Variants in MLLT3 observed in about 807,000 individuals in gnomAD.
The protein encoded by MLLT3 is MLLT3 super elongation complex subunit, also known as protein AF-9.
In MLLT3, 4 loss-of-function variants were observed where a neutral mutation model predicts 53.2. The ratio of observed to expected loss-of-function variants is 0.08; its 90% CI spans 0.04 to 0.17. MLLT3 has a LOEUF of 0.17. Among genes scored for constraint, MLLT3 ranks in the 10% least tolerant of loss-of-function variants. The pLI, the probability that MLLT3 is intolerant of heterozygous loss-of-function variation, is 1.00. For missense variants in MLLT3, 569 were observed against 684.0 expected (o/e 0.83, Z 1.87); for synonymous variants, 283 against 230.6 (o/e 1.23, Z -2.06).
chr9:20,544,344 G>A (rs1818727799), intron 2 of MLLT3, among the ~76,000 whole-genome samples: 1 of 151,784 alleles, frequency 6.6e-6, no homozygotes, highest in Admixed American at 6.6e-5. Context: ...CTTCCATGCA[G>A]GAAAAAAAAT....
chr9:20,544,602 T>A (rs1407979543), intron 2 of MLLT3, among the ~76,000 whole-genome samples: 1 of 152,184 alleles, frequency 6.6e-6, no homozygotes, highest in East Asian at 1.9e-4. Context: ...GACAAGGATG[T>A]AAAGAAATTA....
chr9:20,572,330 T>C (rs1819550566), intron 2 of MLLT3, among the ~76,000 whole-genome samples: 2 of 152,142 alleles, frequency 1.3e-5, no homozygotes, highest in South Asian at 2.1e-4. Flanking sequence ...TACGGTATAT[T>C]TCAAAATTGC....
intron 2 of MLLT3, among the ~76,000 whole-genome samples, chr9:20,536,251 G>C (rs910794435): frequency 6.6e-6 from 1 of 152,128 alleles, no homozygotes; most frequent in Non-Finnish European, 1.5e-5. Context: ...ACAGAAAGAA[G>C]AAAATGGCTT....
chr9:20,590,976 C>A (rs1036455577), intron 2 of MLLT3, among the ~76,000 whole-genome samples: 3 of 151,870 alleles, frequency 2.0e-5, no homozygotes. Flanking sequence ...TCTTGAACTA[C>A]TGGCCTCAGG....
chr9:20,532,051 T>G (rs1485192233), intron 2 of MLLT3, among the ~76,000 whole-genome samples: 3 of 152,246 alleles, frequency 2.0e-5, no homozygotes, highest in Admixed American at 1.3e-4. Flanking sequence ...TTAAAACGAT[T>G]GCAAGTTGTT....
At chr9:20,614,259 T>C (rs987459020) in intron 2 of MLLT3, among the ~76,000 whole-genome samples, 2 of 152,148 alleles carry the variant, frequency 1.3e-5, no homozygotes, top group East Asian at 1.9e-4. Flanking sequence ...CCGGGCGTGG[T>C]GGCGCATGCC....
At chr9:20,356,602 T>G (rs892380180) in intron 8 of MLLT3, among the ~76,000 whole-genome samples, 6 of 152,092 alleles carry the variant, frequency 3.9e-5, no homozygotes, top group Non-Finnish European at 8.8e-5. Flanking sequence ...GACTTGTGCA[T>G]TACAGAACTG....
At chr9:20,350,317 C>T (rs1054136868) in intron 10 of MLLT3, among the ~76,000 whole-genome samples, 2 of 152,150 alleles carry the variant, frequency 1.3e-5, no homozygotes, top group Non-Finnish European at 2.9e-5. Context: ...AACAGGCGGC[C>T]GGGCGCGGTG....
At chr9:20,430,503 G>A (rs1823238822) in intron 4 of MLLT3, among the ~76,000 whole-genome samples, 1 of 152,090 alleles carries the variant, frequency 6.6e-6, no homozygotes, top group African/African-American at 2.4e-5. Context: ...TGACATGGCG[G>A]ATCATTGATA....
intron 2 of MLLT3, among the ~76,000 whole-genome samples, chr9:20,459,651 G>A (rs1824060332): frequency 6.6e-6 from 1 of 152,088 alleles, no homozygotes; most frequent in South Asian, 2.1e-4. Context: ...TCTCTATTCT[G>A]AATGCAAATT....
intron 5 of MLLT3, among the ~76,000 whole-genome samples, chr9:20,391,415 C>T (rs552695339): frequency 6.6e-6 from 1 of 152,102 alleles, no homozygotes; most frequent in Non-Finnish European, 1.5e-5. Flanking sequence ...TGTACTCATT[C>T]TTCCCATATT....
intron 2 of MLLT3, among the ~76,000 whole-genome samples, chr9:20,540,316 C>T (rs1818597155): frequency 6.6e-6 from 1 of 152,232 alleles, no homozygotes; most frequent in Non-Finnish European, 1.5e-5. Flanking sequence ...GGGGCTCCAA[C>T]CCATTTACCT....
intron 4 of MLLT3, among the ~76,000 whole-genome samples, chr9:20,443,438 T>G (rs927277483): frequency 1.3e-5 from 2 of 152,200 alleles, no homozygotes; most frequent in Non-Finnish European, 2.9e-5. Flanking sequence ...GAATCCATTT[T>G]TCTAATGAAA....
At chr9:20,445,474 G>C (rs1014057073) in intron 4 of MLLT3, among the ~76,000 whole-genome samples, 4 of 152,118 alleles carry the variant, frequency 2.6e-5, no homozygotes, top group Non-Finnish European at 5.9e-5. Context: ...TAGGCTTATA[G>C]ATTATGAAGT....
At chr9:20,577,520 C>T (rs1250389873) in intron 2 of MLLT3, among the ~76,000 whole-genome samples, 1 of 152,184 alleles carries the variant, frequency 6.6e-6, no homozygotes, top group African/African-American at 2.4e-5. Flanking sequence ...CCCAGCAAGA[C>T]AAAGAGCCCC....
chr9:20,541,520 C>T (rs1298168181), intron 2 of MLLT3, among the ~76,000 whole-genome samples: 3 of 152,190 alleles, frequency 2.0e-5, no homozygotes, highest in African/African-American at 7.2e-5. Flanking sequence ...CACATGGCAG[C>T]AGGAGAGACA....
chr9:20,544,269 A>G (rs924452965), intron 2 of MLLT3, among the ~76,000 whole-genome samples: 4 of 152,224 alleles, frequency 2.6e-5, no homozygotes, highest in Admixed American at 6.5e-5. Flanking sequence ...CTTAAGCATG[A>G]CAGCAAAAGT....
At chr9:20,461,220 C>T (rs1387835239) in intron 2 of MLLT3, among the ~76,000 whole-genome samples, 1 of 152,140 alleles carries the variant, frequency 6.6e-6, no homozygotes, top group Admixed American at 6.5e-5. Context: ...GGTTTAATTG[C>T]ATTTTTCCCT....
rs2118777392 is a variant in MLLT3, at chr9:20,414,283, C to A, written c.563G>T (p.Ser188Ile). The A allele has an allele frequency of 1.2e-6, 2 of 1,611,710 alleles. No homozygotes were observed. Among genetic ancestry groups the A allele is most frequent in the South Asian group, 2.2e-5 (2 of 90,872 alleles). ...AGGCTTTGAAAAACTGGTACTACTG[C>A]TGCTGCTGCTGCTGCTACTGCTGCT... Reference protein sequence around the residue: ...SSSSSSSSSSSSSTSFSKPHK... With the variant: ...SSSSSSSSSSISSTSFSKPHK... The change falls in exon 5 of 11, where the codon AGC (serine) becomes ATC (isoleucine). Residue 188 changes from serine to isoleucine, a missense_variant. This residue lies in a region of MLLT3 where 437 missense variants were observed against 376.5 expected (regional missense o/e 1.16). Coordinates refer to ENST00000380338, the MANE Select transcript of MLLT3 (RefSeq NM_004529.4).
Sources: gnomAD v4.1 joint callset for allele counts (sites outside exome capture counted in the v4.1 genomes callset) on GRCh38, gnomAD v4.1.1 for gene constraint, gnomAD v4.1.1 regional missense constraint, MANE v1.5 for transcripts, NCBI Gene and HGNC (gene_info 2026-07-23, HGNC 2026-07-21) for gene names.